CSRNP3: variants seen among roughly 807,000 people sequenced by gnomAD.
The protein encoded by CSRNP3 is cysteine and serine rich nuclear protein 3.
Under a neutral mutation model 48.0 loss-of-function variants are expected in CSRNP3, and 12 were observed. The observed-to-expected ratio is 0.25, with a 90% CI of 0.16 to 0.41. The LOEUF (loss-of-function observed/expected upper bound fraction) is 0.41. Ranked by LOEUF, CSRNP3 falls within the 10% of genes least tolerant of loss-of-function variation. The pLI is 1.00. For synonymous variants in CSRNP3, 263 were observed against 269.7 expected, an observed-to-expected ratio of 0.98 and a Z score of 0.24; for missense variants, 580 against 724.4, an observed-to-expected ratio of 0.80 and a Z score of 2.29.
Position 165,615,644 on chromosome 2 carries a change from A to G in CSRNP3, c.148+20431A>G, listed in dbSNP as rs1299466513. ...TTTGTCTCTTTTCATTTTGTAACTT[A>G]AAATCTATTTTGTCTGATGTAATTA... On this transcript the variant is annotated intron_variant, in intron 4 of 6. Transcript: ENST00000651982. Among the ~76,000 whole-genome samples the G allele has an allele frequency of 4.0e-5, 6 of 151,676 alleles. No homozygotes were observed. In the East Asian group the frequency reaches 1.2e-3, roughly 29 times the overall value.
At chr2:165,633,994 T>G (rs1558957155) in intron 4 of CSRNP3, among the ~76,000 whole-genome samples, 1 of 152,208 alleles carries the variant, frequency 6.6e-6, no homozygotes. Flanking sequence ...GTTACGCTAT[T>G]AAACCAATTC....
At chr2:165,485,843 G>A (rs1235690937) in intron 1 of CSRNP3, among the ~76,000 whole-genome samples, 3 of 152,086 alleles carry the variant, frequency 2.0e-5, no homozygotes, top group Admixed American at 6.6e-5. Flanking sequence ...TGCCACAGTA[G>A]CACCACAAGT....
chr2:165,541,624 C>G (rs961580016), intron 3 of CSRNP3, among the ~76,000 whole-genome samples: 1 of 152,132 alleles, frequency 6.6e-6, no homozygotes, highest in African/African-American at 2.4e-5. Context: ...ATTAGATAAT[C>G]TCTGCCTATA....
intron 3 of CSRNP3, among the ~76,000 whole-genome samples, chr2:165,546,295 C>T (rs1308301466): frequency 1.3e-5 from 2 of 152,080 alleles, no homozygotes; most frequent in Non-Finnish European, 2.9e-5. Context: ...TGGGTTCAAG[C>T]GATTCTCCTG....
intron 4 of CSRNP3, among the ~76,000 whole-genome samples, chr2:165,643,517 C>G (rs1328192258): frequency 6.6e-6 from 1 of 152,152 alleles, no homozygotes; most frequent in Non-Finnish European, 1.5e-5. Flanking sequence ...AAACATGATG[C>G]TCTTGCTGCT....
At chr2:165,675,277 A>ATTAATAAAT (rs1687405701) in intron 5 of CSRNP3, among the ~76,000 whole-genome samples, 1 of 152,278 alleles carries the variant, frequency 6.6e-6, no homozygotes, top group South Asian at 2.1e-4. Flanking sequence ...AATAATTATA[A>ATTAATAAAT]TTAATAAATT....
At chr2:165,511,166 A>T (rs1684500715) in intron 2 of CSRNP3, among the ~76,000 whole-genome samples, 1 of 152,182 alleles carries the variant, frequency 6.6e-6, no homozygotes, top group African/African-American at 2.4e-5. Context: ...TTCACTGCTG[A>T]CCTCGATAAG....
At chr2:165,574,458 G>A (rs1199559622) in intron 3 of CSRNP3, 1 of 1,492,668 alleles carries the variant, frequency 6.7e-7, no homozygotes. Context: ...TGATGCGCCT[G>A]ATTTTATTTC....
intron 4 of CSRNP3, among the ~76,000 whole-genome samples, chr2:165,638,824 C>T (rs1686676613): frequency 6.6e-6 from 1 of 152,032 alleles, no homozygotes; most frequent in African/African-American, 2.4e-5. Flanking sequence ...GGGAAATGTC[C>T]TCTGACAGAG....
At chr2:165,559,961 G>T (rs1030774140) in intron 3 of CSRNP3, among the ~76,000 whole-genome samples, 1 of 151,718 alleles carries the variant, frequency 6.6e-6, no homozygotes, top group East Asian at 1.9e-4. Context: ...CACCAAGCCC[G>T]ACTAATTTTT....
At chr2:165,491,962 A>C (rs192712072) in intron 1 of CSRNP3, among the ~76,000 whole-genome samples, 25 of 151,074 alleles carry the variant, frequency 1.7e-4, no homozygotes, top group Admixed American at 3.3e-4. Context: ...AAAAAAAAAA[A>C]AAAAACAAAG....
intron 3 of CSRNP3, among the ~76,000 whole-genome samples, chr2:165,547,856 C>A (rs1685052155): frequency 6.6e-6 from 1 of 151,888 alleles, no homozygotes; most frequent in African/African-American, 2.4e-5. Context: ...TTCTGAAAAC[C>A]ACTTGCAATA....
chr2:165,590,817 T>C (rs1387540722), intron 3 of CSRNP3, among the ~76,000 whole-genome samples: 1 of 152,204 alleles, frequency 6.6e-6, no homozygotes, highest in African/African-American at 2.4e-5. Context: ...TGTGAGTCAA[T>C]TAAACCTCTT....
intron 4 of CSRNP3, among the ~76,000 whole-genome samples, chr2:165,652,220 A>G (rs1487012148): frequency 6.6e-6 from 1 of 152,052 alleles, no homozygotes; most frequent in Non-Finnish European, 1.5e-5. Context: ...CACTTAAAAA[A>G]TAGTGTCAAG....
At chr2:165,511,726 A>G in intron 2 of CSRNP3, among the ~76,000 whole-genome samples, 1 of 152,214 alleles carries the variant, frequency 6.6e-6, no homozygotes, top group East Asian at 1.9e-4. Context: ...GCGATATCAT[A>G]GAGCCAAGCC....
chr2:165,556,142 G>A (rs1558933388), intron 3 of CSRNP3, among the ~76,000 whole-genome samples: 1 of 152,154 alleles, frequency 6.6e-6, no homozygotes, highest in African/African-American at 2.4e-5. Flanking sequence ...AACATTTGGA[G>A]GAAAAGTCAG....
chr2:165,649,180 C>T (rs552654291), intron 4 of CSRNP3, among the ~76,000 whole-genome samples: 1 of 152,192 alleles, frequency 6.6e-6, no homozygotes, highest in Non-Finnish European at 1.5e-5. Flanking sequence ...AATGCATACA[C>T]AGTATTTGCA....
chr2:165,551,483 G>T (rs919035605), intron 3 of CSRNP3, among the ~76,000 whole-genome samples: 6 of 152,166 alleles, frequency 3.9e-5, no homozygotes, highest in Non-Finnish European at 8.8e-5. Flanking sequence ...TGGAGATGGA[G>T]AAATTTTAAG....
intron 3 of CSRNP3, among the ~76,000 whole-genome samples, chr2:165,539,528 C>T (rs1684925782): frequency 6.6e-6 from 1 of 152,018 alleles, no homozygotes; most frequent in Admixed American, 6.6e-5. Flanking sequence ...TTTTGATTAA[C>T]AACTTAAAGA....
Sources: gnomAD v4.1 joint callset for allele counts (sites outside exome capture counted in the v4.1 genomes callset) on GRCh38, gnomAD v4.1.1 for gene constraint, MANE v1.5 for transcripts, NCBI Gene and HGNC (gene_info 2026-07-23, HGNC 2026-07-21) for gene names.